Variants in PUF60 observed in about 807,000 individuals in gnomAD.
The protein encoded by PUF60 is poly(U) binding splicing factor 60, also known as poly(U)-binding-splicing factor PUF60.
In PUF60, 10 loss-of-function variants were observed where a neutral mutation model predicts 61.8. That is an observed-to-expected ratio of 0.16 (90% CI 0.10 to 0.27). PUF60 has a LOEUF of 0.27. PUF60 is among the 10% of genes least tolerant of loss of function. PUF60 has a pLI of 1.00. For missense variants in PUF60, 371 were observed against 754.0 expected (o/e 0.49, Z 5.95); for synonymous variants, 353 against 300.9 (o/e 1.17, Z -1.79).
intron 1 of PUF60, 138 bp downstream of exon 1, chr8:143,829,142 G>T: frequency 4.2e-6 from 5 of 1,202,494 alleles, no homozygotes; most frequent in Non-Finnish European, 5.2e-6. Context: ...CGCCTCACGC[G>T]ACCCGGGGAC....
In PUF60 at chr8:143,818,686, A is replaced by G; in HGVS notation, c.349-152T>C. ...GTGCGGGCTCCATCCCTGCAGTCAT[A>G]GTGTGGGGGTCGCAGGACCCCGCCA... On this transcript the variant is annotated intron_variant, in intron 5 of 11. Coordinates refer to ENST00000526683, the MANE Select transcript of PUF60 (RefSeq NM_078480.3). This position sits in a 1 kb window ranked among gnomAD's most constrained non-coding sequence, Gnocchi z 7.9. 1.2e-6 allele frequency: 1 copy of G among 842,016 alleles called. No homozygotes were observed. The highest frequency in any genetic ancestry group is 1.8e-6 in the Non-Finnish European group (1 of 560,884). The allele number at this position is 842,016 out of a possible 1,614,324, so 52.2% of individuals were successfully genotyped here.
chr8:143,825,763 A>G (rs1219203555), intron 1 of PUF60, among the ~76,000 whole-genome samples: 2 of 152,248 alleles, frequency 1.3e-5, no homozygotes, highest in Non-Finnish European at 2.9e-5. Flanking sequence ...CACTGTGCCC[A>G]GCCAAGGCTG....
rs756023794 is a variant in PUF60, at chr8:143,818,390, C to T, written c.493G>A (p.Val165Ile). The change falls in exon 6 of 12, where the codon GTC becomes ATC. Residue 165 changes from valine to isoleucine, a missense_variant. Around this residue, in one of 13 missense-constraint regions of PUF60, gnomAD observed 35 missense variants for 173.1 expected, o/e 0.20. Coordinates refer to ENST00000526683, the MANE Select transcript of PUF60 (RefSeq NM_078480.3). This position sits in a 1 kb window ranked among gnomAD's most constrained non-coding sequence, Gnocchi z 7.9. ...IKSIDMSWDS[V>I]TMKHKGFAFV... ...CTGCTGACCTTGTGCTTCATGGTGA[C>T]GGAGTCCCAGGACATGTCGATGCTC... 4.3e-6 allele frequency: 7 copies of T among 1,612,558 alleles called. No individual in the cohort carries two copies. Among genetic ancestry groups the T allele is most frequent in the Admixed American group, 1.7e-5 (1 of 59,968 alleles).
chr8:143,826,352 G>T (rs542944373), intron 1 of PUF60, among the ~76,000 whole-genome samples: 2 of 152,184 alleles, frequency 1.3e-5, no homozygotes, highest in Non-Finnish European at 2.9e-5. Context: ...TTGGGAGACC[G>T]ATGTAGCACT....
In PUF60 at chr8:143,816,375, C is replaced by T. The variant is rs553277810; in HGVS notation, c.*145G>A. On this transcript the variant is annotated 3_prime_UTR_variant, in exon 12 of 12. Transcript: ENST00000526683. Reference sequence around the variant, plus strand: ...ACAGGACCGACGGCAGACACACGGACGTTCAGGGCCAGCAGCATCCGCACC... The same window carrying T: ...ACAGGACCGACGGCAGACACACGGATGTTCAGGGCCAGCAGCATCCGCACC... The T allele has an allele frequency of 4.5e-6, 4 of 895,854 alleles. No individual in the cohort carries two copies. Among genetic ancestry groups the T allele is most frequent in the African/African-American group, 3.4e-5 (2 of 59,234 alleles). The allele number at this position is 895,854 out of a possible 1,614,324, so 55.5% of individuals were successfully genotyped here.
intron 1 of PUF60, 106 bp from the exon 2 acceptor site, chr8:143,824,505 G>T: frequency 1.7e-6 from 2 of 1,204,742 alleles, no homozygotes; most frequent in East Asian, 2.5e-5. Flanking sequence ...AAGCAAGGGA[G>T]GCCAGGCAGG....
chr8:143,824,230 C>G, intron 2 of PUF60, 83 bp downstream of exon 2: 4 of 1,426,290 alleles, frequency 2.8e-6, no homozygotes, highest in East Asian at 2.5e-5. Flanking sequence ...CCAGCCCTCT[C>G]TGGGCCCAGG....
Position 143,817,229 on chromosome 8 carries a change from C to G in PUF60, c.1145-84G>C, listed in dbSNP as rs1261135794. On this transcript the variant is annotated intron_variant, in intron 10 of 11. Coordinates refer to ENST00000526683, the MANE Select transcript of PUF60 (RefSeq NM_078480.3). This position sits in a 1 kb window ranked among gnomAD's most constrained non-coding sequence, Gnocchi z 7.4. ...GCACAGAGCTGGCCTGCCCTGGGCT[C>G]AGAGGGTTGTGCCCAGACCACCAGG... 3.3e-6 allele frequency: 5 copies of G among 1,522,536 alleles called. No homozygotes were observed. In the African/African-American group the frequency reaches 6.9e-5, roughly 21 times the overall value. The allele number at this position is 1,522,536 out of a possible 1,614,324, so 94.3% of individuals were successfully genotyped here.
At chr8:143,828,822 C>T (rs182628164) in intron 1 of PUF60, among the ~76,000 whole-genome samples, 1 of 152,308 alleles carries the variant, frequency 6.6e-6, no homozygotes, top group African/African-American at 2.4e-5. Flanking sequence ...GAGCCAAGGC[C>T]GCCCCATGCT....
At chr8:143,823,753 G>A (rs1272447845) in intron 2 of PUF60, among the ~76,000 whole-genome samples, 1 of 152,338 alleles carries the variant, frequency 6.6e-6, no homozygotes, top group South Asian at 2.1e-4. Flanking sequence ...CCTCTGAGAG[G>A]ACCTGCTCCC....
chr8:143,824,363 CCGG>C lies in PUF60; in HGVS notation c.58_60del (p.Pro20del). 1 of 1,612,578 alleles carries C rather than the reference CCGG, an allele frequency of 6.2e-7. No individual in the cohort carries two copies. The highest frequency in any genetic ancestry group is 1.1e-5 in the South Asian group (1 of 91,068). On this transcript the variant is annotated inframe_deletion, in exon 2 of 12. Transcript: ENST00000526683. ...GCTGCCACCACTGCCGCCGCCGCCG[CCGG>C]CTCGGACCCCCCTCCTTGCTGGCCA... is the stretch of plus-strand genomic sequence containing the variant.
Position 143,816,486 on chromosome 8 carries a change from G to A in PUF60, c.*34C>T. On this transcript the variant is annotated 3_prime_UTR_variant, in exon 12 of 12. Coordinates refer to ENST00000526683, the MANE Select transcript of PUF60 (RefSeq NM_078480.3). Reference sequence around the variant, plus strand: ...TCACTATAAAACCCAGAGGAAACAAGGAACAAGTGCAAGTCCGGGGAGAGG... The same window carrying A: ...TCACTATAAAACCCAGAGGAAACAAAGAACAAGTGCAAGTCCGGGGAGAGG... 1.3e-6 allele frequency: 2 copies of A among 1,576,954 alleles called. No homozygotes were observed. Among genetic ancestry groups the A allele is most frequent in the African/African-American group, 1.4e-5 (1 of 73,984 alleles).
At position 143,823,684 on chromosome 8, in the gene PUF60, CG is replaced by C. The variant is rs1563837164; in HGVS notation, c.111+628del. 1.3e-3 allele frequency among the ~76,000 whole-genome samples: 202 copies of C among 152,298 alleles called. 5 individuals are homozygous for C. In the East Asian group the frequency reaches 0.03, roughly 23 times the overall value. Reference sequence around the variant, plus strand: ...AGGCCCCACTGGAATGCTCTGGAGGCGGGCGCTACCATGGAGAAGCACAAAG... The same window carrying C: ...AGGCCCCACTGGAATGCTCTGGAGGCGGCGCTACCATGGAGAAGCACAAAG... On this transcript the variant is annotated intron_variant, in intron 2 of 11. Transcript: ENST00000526683.
In PUF60 at chr8:143,824,349, TGCCGCC is replaced by T. The variant is rs540307276; in HGVS notation, c.69_74del (p.Ala24_Ala25del). The T allele has an allele frequency of 4.7e-5, 76 of 1,612,306 alleles. No individual in the cohort carries two copies. Among genetic ancestry groups the T allele is most frequent in the Middle Eastern group, 3.3e-4 (2 of 6,052 alleles). ...TCCATTTGTCTCCCGCTGCCACCACTGCCGCCGCCGCCGCCGGCTCGGACCCCCCTC... is the reference window on the plus strand; with the variant it reads ...TCCATTTGTCTCCCGCTGCCACCACTGCCGCCGCCGGCTCGGACCCCCCTC... On this transcript the variant is annotated inframe_deletion, in exon 2 of 12. Coordinates refer to ENST00000526683, the MANE Select transcript of PUF60 (RefSeq NM_078480.3).
rs757177418 is a variant in PUF60, at chr8:143,818,150, C to T, written c.603+43G>A. ...ACAAAAGGCTTCCGTGGAGGGGCAG[C>T]CCTGCACGCCTGCGGGATCGAGGCC... is the stretch of plus-strand genomic sequence containing the variant. On this transcript the variant is annotated intron_variant, in intron 7 of 11. Transcript: ENST00000526683. The surrounding 1 kb of genome is among the most constrained non-coding windows in gnomAD (Gnocchi z 7.9). The T allele has an allele frequency of 6.2e-7, 1 of 1,600,128 alleles. No individual in the cohort carries two copies.
chr8:143,824,696 C>G, intron 1 of PUF60: 1 of 442,472 alleles, frequency 2.3e-6, no homozygotes, highest in South Asian at 3.0e-5. Context: ...AAAAGAAAGC[C>G]ATCCTCTCCT....
At chr8:143,824,150 T>C (rs1563838150) in intron 2 of PUF60, among the ~76,000 whole-genome samples, 163 bp downstream of exon 2, 3 of 152,148 alleles carry the variant, frequency 2.0e-5, no homozygotes, top group African/African-American at 7.2e-5. Flanking sequence ...GAGAGGGCCG[T>C]GGTCCTGCGG....
chr8:143,821,776 G>C, intron 3 of PUF60, 42 bp downstream of exon 3: 1 of 1,254,416 alleles, frequency 8.0e-7, no homozygotes, highest in South Asian at 1.2e-5. Flanking sequence ...GCCCCCAGTT[G>C]ACTGTCCCAC....
chr8:143,825,672 G>A (rs1307362012), intron 1 of PUF60, among the ~76,000 whole-genome samples: 1 of 152,186 alleles, frequency 6.6e-6, no homozygotes, highest in Non-Finnish European at 1.5e-5. Context: ...TGGTAGAGAT[G>A]GGGGTCTCCG....
Sources: gnomAD v4.1 joint callset for allele counts (sites outside exome capture counted in the v4.1 genomes callset) on GRCh38, gnomAD v4.1.1 for gene constraint, gnomAD v4.1.1 regional missense constraint, Gnocchi (gnomAD v3.1) non-coding constraint, MANE v1.5 for transcripts, NCBI Gene and HGNC (gene_info 2026-07-23, HGNC 2026-07-21) for gene names.